PRH1: variants seen among roughly 807,000 people sequenced by gnomAD.
PRH1 encodes salivary acidic proline-rich phosphoprotein 1/2.
A neutral mutation model predicts 7.9 loss-of-function variants in PRH1; 7 were observed. The observed-to-expected ratio is 0.89, with a 90% CI of 0.50 to 1.67. PRH1 has a LOEUF of 1.67. Ranked by LOEUF, PRH1 falls within the 40% of genes most tolerant of loss-of-function variation. The pLI is 0.00. For synonymous variants in PRH1, 45 were observed against 80.8 expected (o/e 0.56, Z 2.38); for missense variants, 109 against 223.6 (o/e 0.49, Z 3.27).
chr12:11,096,407 T>G lies in PRH1; in HGVS notation n.124-49219A>C, dbSNP rs1945069762. 3.4e-5 allele frequency among the ~76,000 whole-genome samples: 4 copies of G among 116,562 alleles called. 1 individual carries two copies. The South Asian group carries it at 9.3e-4, about 27-fold the overall frequency. The allele number at this position is 116,562 out of a possible 152,430, so 76.5% of individuals were successfully genotyped here. On this transcript the variant is annotated intron_variant and non_coding_transcript_variant, in intron 1 of 4. Transcript: ENST00000541977. ...AGAGGTAGAAATGAACTTTTTGTTC[T>G]CCTTATATAAATCGTTTTCTAACGG...
At chr12:10,920,931 GTTAAA>G (rs957576472) in intron 2 of PRH1, among the ~76,000 whole-genome samples, 4 of 152,016 alleles carry the variant, frequency 2.6e-5, no homozygotes, top group East Asian at 1.9e-4. Flanking sequence ...TTGATTAGGA[GTTAAA>G]TTAGATTAAA....
At chr12:11,076,447 T>C (rs1183984169) in intron 1 of PRH1, among the ~76,000 whole-genome samples, 1 of 102,206 alleles carries the variant, frequency 9.8e-6, no homozygotes, top group Non-Finnish European at 2.3e-5. Context: ...TAGAGAATAT[T>C]TGAGTTTTTT....
intron 2 of PRH1, among the ~76,000 whole-genome samples, chr12:10,950,548 T>C (rs1035138993): frequency 1.3e-5 from 2 of 151,776 alleles, no homozygotes; most frequent in African/African-American, 4.8e-5. Context: ...GAATAAATTA[T>C]ATATTTAATA....
At chr12:10,947,730 G>T (rs2135906990) in intron 2 of PRH1, among the ~76,000 whole-genome samples, 1 of 152,164 alleles carries the variant, frequency 6.6e-6, no homozygotes, top group Middle Eastern at 3.4e-3. Context: ...AGTGACACTG[G>T]TCTCTGTGTT....
intron 1 of PRH1, among the ~76,000 whole-genome samples, chr12:11,164,754 AT>A (rs1327112796): frequency 1.3e-5 from 2 of 150,308 alleles, no homozygotes; most frequent in Non-Finnish European, 3.0e-5. Flanking sequence ...AAAAAAAAAA[AT>A]GCTTCTTTTT....
chr12:10,897,133 A>G (rs1339164686), intron 2 of PRH1, among the ~76,000 whole-genome samples: 1 of 152,170 alleles, frequency 6.6e-6, no homozygotes, highest in Non-Finnish European at 1.5e-5. Context: ...ATGAGCCAAG[A>G]AAGCGATATT....
chr12:11,151,004 G>A (rs1379521520), intron 1 of PRH1, among the ~76,000 whole-genome samples: 1 of 152,170 alleles, frequency 6.6e-6, no homozygotes, highest in Non-Finnish European at 1.5e-5. Flanking sequence ...AGCTGTGACA[G>A]GCCTTTGAAA....
intron 1 of PRH1, among the ~76,000 whole-genome samples, chr12:10,987,389 AACAG>A (rs1233199006): frequency 1.3e-5 from 2 of 152,108 alleles, no homozygotes; most frequent in African/African-American, 4.8e-5. Context: ...GCTACATTTA[AACAG>A]ACAGAATCCA....
intron 1 of PRH1, chr12:11,092,422 A>G: frequency 3.0e-6 from 1 of 331,768 alleles, no homozygotes; most frequent in Non-Finnish European, 5.8e-6. Context: ...AGAAAGGACA[A>G]AGCTTCCACA....
intron 1 of PRH1, among the ~76,000 whole-genome samples, chr12:11,112,771 G>T (rs1945625897): frequency 1.3e-5 from 2 of 152,012 alleles, no homozygotes; most frequent in Non-Finnish European, 2.9e-5. Context: ...CACCACTCCT[G>T]TTCAACATAG....
intron 1 of PRH1, among the ~76,000 whole-genome samples, chr12:10,977,079 C>T (rs1369360416): frequency 6.6e-6 from 1 of 152,050 alleles, no homozygotes; most frequent in Non-Finnish European, 1.5e-5. Flanking sequence ...GCCAGCAGCA[C>T]CCTAATACCT....
chr12:11,074,506 G>C (rs1730690092), intron 1 of PRH1, among the ~76,000 whole-genome samples: 1 of 138,352 alleles, frequency 7.2e-6, no homozygotes, highest in Admixed American at 7.3e-5. Flanking sequence ...GTCTCAAGGA[G>C]AGATCCCTCT....
chr12:10,963,224 T>C (rs1424516083), intron 2 of PRH1, among the ~76,000 whole-genome samples: 1 of 152,352 alleles, frequency 6.6e-6, no homozygotes, highest in East Asian at 1.9e-4. Context: ...TTTACTTGTT[T>C]AATGACGTTA....
intron 1 of PRH1, among the ~76,000 whole-genome samples, chr12:11,042,486 T>TAAAAAA (rs140733298): frequency 1.1e-5 from 1 of 95,010 alleles, no homozygotes; most frequent in Non-Finnish European, 2.0e-5. Context: ...TCTCCCAGTT[T>TAAAAAA]AAAAAAAAAA....
chr12:10,969,868 C>T (rs1227886884), intron 2 of PRH1, among the ~76,000 whole-genome samples: 1 of 152,250 alleles, frequency 6.6e-6, no homozygotes, highest in East Asian at 1.9e-4. Context: ...GGTACAATCT[C>T]GGCTCACTGC....
At chr12:11,164,450 CAT>C (rs201714023) in intron 1 of PRH1, among the ~76,000 whole-genome samples, 241 of 152,266 alleles carry the variant, frequency 1.6e-3, no homozygotes, top group African/African-American at 4.0e-3. Flanking sequence ...CCTTTTTACA[CAT>C]GTTTATTATG....
At chr12:11,061,399 T>A (rs1238636913) in intron 1 of PRH1, 1 of 1,613,784 alleles carries the variant, frequency 6.2e-7, no homozygotes, top group Non-Finnish European at 8.5e-7. Flanking sequence ...TTTCACCCAG[T>A]ACCTCACATG....
intron 1 of PRH1, among the ~76,000 whole-genome samples, chr12:10,981,466 C>T (rs147739613): frequency 0.013 from 1,956 of 149,232 alleles, 26 homozygotes; most frequent in Non-Finnish European, 0.015. Flanking sequence ...CTCTGCCTCC[C>T]GGGTTCAAGT....
At chr12:11,094,299 C>CAAAAAAAAAAAAAAAAAAAAA (rs34742610) in intron 1 of PRH1, among the ~76,000 whole-genome samples, 3 of 27,024 alleles carry the variant, frequency 1.1e-4, no homozygotes, top group Non-Finnish European at 2.1e-4. Flanking sequence ...AAGACTCTGT[C>CAAAAAAAAAAAAAAAAAAAAA]AAAAAAAAAA....
Sources: gnomAD v4.1 joint callset for allele counts (sites outside exome capture counted in the v4.1 genomes callset) on GRCh38, gnomAD v4.1.1 for gene constraint, MANE v1.5 for transcripts, NCBI Gene and HGNC (gene_info 2026-07-23, HGNC 2026-07-21) for gene names.